FGF1: variants seen among roughly 807,000 people sequenced by gnomAD.
FGF1 encodes fibroblast growth factor 1.
Under a neutral mutation model 13.4 loss-of-function variants are expected in FGF1, and 9 were observed. That is an observed-to-expected ratio of 0.67 (90% confidence interval 0.40 to 1.17). FGF1 has a LOEUF of 1.17. Ranked by LOEUF, FGF1 falls within the 50% of genes most tolerant of loss-of-function variation. The pLI is 0.01. For missense variants in FGF1, 156 were observed against 192.7 expected (o/e 0.81, Z 1.13); for synonymous variants, 93 against 79.0 (o/e 1.18, Z -0.94).
At chr5:142,666,613 C>T (rs552946008) in intron 1 of FGF1, among the ~76,000 whole-genome samples, 15 of 152,134 alleles carry the variant, frequency 9.9e-5, no homozygotes, top group Non-Finnish European at 1.5e-4. Context: ...TACATTATAA[C>T]AAGAGAAGCC....
chr5:142,653,908 A>G (rs112645449), intron 1 of FGF1, among the ~76,000 whole-genome samples: 1,884 of 152,254 alleles, frequency 0.012, 54 homozygotes, highest in African/African-American at 0.043. Context: ...CCTGGCCAAC[A>G]TGGTGAAACC....
At position 142,662,418 on chromosome 5, in the gene FGF1, G is replaced by C. The variant is rs374068426; in HGVS notation, c.-35+23539C>G. Among the ~76,000 whole-genome samples the C allele has an allele frequency of 3.5e-4, 54 of 152,224 alleles. No individual in the cohort carries two copies. The East Asian group carries it at 6.0e-3, about 17-fold the overall frequency. ...ACATGCTTATTAGAGTTCAATATTA[G>C]GTGGACACCAATTCAATGATTTTTG... On this transcript the variant is annotated intron_variant, in intron 1 of 3. Coordinates refer to ENST00000337706, the MANE Select transcript of FGF1 (RefSeq NM_000800.5).
At chr5:142,680,391 C>T (rs1773481858) in intron 1 of FGF1, among the ~76,000 whole-genome samples, 1 of 152,156 alleles carries the variant, frequency 6.6e-6, no homozygotes, top group Admixed American at 6.5e-5. Context: ...AAAGACACCC[C>T]ACTGAAGAAT....
intron 1 of FGF1, among the ~76,000 whole-genome samples, chr5:142,627,879 C>A (rs1403274911): frequency 6.6e-6 from 1 of 152,166 alleles, no homozygotes; most frequent in Non-Finnish European, 1.5e-5. Flanking sequence ...TCCCTTTGAT[C>A]CCACATAAAC....
Position 142,691,186 on chromosome 5 carries a change from C to T in FGF1, c.-35+6436G>A, listed in dbSNP as rs183353733. On this transcript the variant is annotated intron_variant, in intron 2 of 4. Coordinates refer to the FGF1 transcript ENST00000407758. ...CTATAATCCCAGCACTTTGGGAGGC[C>T]GACGCGGGTGGATCACCTGAGGTTA... Among the ~76,000 whole-genome samples the T allele has an allele frequency of 1.8e-3, 275 of 152,084 alleles. 1 individual carries two copies. The highest frequency in any genetic ancestry group is 6.2e-3 in the African/African-American group (258 of 41,486).
intron 1 of FGF1, among the ~76,000 whole-genome samples, chr5:142,636,007 C>T (rs956868440): frequency 2.0e-5 from 3 of 152,056 alleles, no homozygotes; most frequent in Non-Finnish European, 4.4e-5. Flanking sequence ...CTTGTATTTC[C>T]TTTATTGAAT....
rs551439781 is a variant in FGF1, at chr5:142,598,782, T to C, written c.273+1920A>G. 2.0e-5 allele frequency among the ~76,000 whole-genome samples: 3 copies of C among 152,304 alleles called. No individual in the cohort carries two copies. In the South Asian group the frequency reaches 6.2e-4, roughly 32 times the overall value. ...TAATATACTAAGATCATATTTCAGG[T>C]GAATTGTAGTGATGGCCACGGCTAT... On this transcript the variant is annotated intron_variant, in intron 3 of 3. Coordinates refer to ENST00000337706, the MANE Select transcript of FGF1 (RefSeq NM_000800.5).
rs372987489 is a variant in FGF1, at chr5:142,646,577, G to T, written c.-34-32416C>A. ...CATGTTGGTCAGGCTAGTCTCAAAC[G>T]CCTGACCTCATGCTCTGCCCGCCTT... On this transcript the variant is annotated intron_variant, in intron 1 of 3. Transcript: ENST00000337706. Among the ~76,000 whole-genome samples, 84 of 151,400 alleles carry T rather than the reference G, an allele frequency of 5.5e-4. 1 individual carries two copies. In the East Asian group the frequency reaches 0.011, roughly 20 times the overall value.
intron 1 of FGF1, among the ~76,000 whole-genome samples, chr5:142,638,014 G>A (rs1355863411): frequency 6.6e-6 from 1 of 151,988 alleles, no homozygotes; most frequent in Non-Finnish European, 1.5e-5. Context: ...TGGTCATTAA[G>A]AATCTACTAT....
chr5:142,689,621 C>G (rs536815019), upstream of FGF1, among the ~76,000 whole-genome samples: 38 of 151,846 alleles, frequency 2.5e-4, no homozygotes, highest in East Asian at 6.8e-3. Flanking sequence ...GGGTCCTACC[C>G]ATGAGAGCTG....
chr5:142,621,986 A>G (rs17217114), intron 1 of FGF1, among the ~76,000 whole-genome samples: 2,667 of 152,338 alleles, frequency 0.018, 93 homozygotes, highest in African/African-American at 0.061. Flanking sequence ...TCATAGGACC[A>G]TTTAACATTT....
intron 1 of FGF1, among the ~76,000 whole-genome samples, chr5:142,654,376 A>G (rs1271987818): frequency 6.6e-6 from 1 of 152,206 alleles, no homozygotes; most frequent in Non-Finnish European, 1.5e-5. Context: ...GAACTCAATG[A>G]TTTTAGAGAG....
chr5:142,595,222 T>A lies in FGF1; in HGVS notation c.*68A>T. On this transcript the variant is annotated 3_prime_UTR_variant, in exon 4 of 4. Transcript: ENST00000337706. ...GCGCAGCCAATGGTCAAGGGAACAT[T>A]TTTGGGTCAACCAGGTGAGGACCCC... is the stretch of plus-strand genomic sequence containing the variant. 7.2e-7 allele frequency: 1 copy of A among 1,383,112 alleles called. No homozygotes were observed. Among genetic ancestry groups the A allele is most frequent in the Middle Eastern group, 2.4e-4 (1 of 4,234 alleles). 85.7% of individuals were successfully genotyped at this position (1,383,112 alleles called of 1,614,324 possible). A position where few individuals can be genotyped will look rare whatever the true frequency, so the allele number is the denominator to read the frequency against.
At position 142,624,273 on chromosome 5, in the gene FGF1, C is replaced by T. The variant is rs1368248715; in HGVS notation, c.-34-10112G>A. Among the ~76,000 whole-genome samples the T allele has an allele frequency of 2.0e-5, 3 of 152,074 alleles. No homozygotes were observed. The South Asian group carries it at 6.2e-4, about 32-fold the overall frequency. On this transcript the variant is annotated intron_variant, in intron 1 of 3. Transcript: ENST00000337706. ...GTAGAGATGGGGTCTCACTGTGTTA[C>T]CCAGGCTGGTCTTAAACTTCTAGGC...
chr5:142,661,511 T>A (rs1225061783), intron 1 of FGF1, among the ~76,000 whole-genome samples: 1 of 152,054 alleles, frequency 6.6e-6, no homozygotes, highest in South Asian at 2.1e-4. Flanking sequence ...TGAAAACATA[T>A]TCATGCAAAA....
rs901935697 is a variant in FGF1 at position 142,595,038 on chromosome 5, G to C, written c.*252C>G. On this transcript the variant is annotated 3_prime_UTR_variant, in exon 4 of 4. Transcript: ENST00000337706. ...ACTCAGCCTGCAAGAGGCAATTGGA[G>C]ATCCAAACCCAGACCCAGACTGGCC... is the stretch of plus-strand genomic sequence containing the variant. 1 of 409,448 alleles carries C rather than the reference G, an allele frequency of 2.4e-6. No homozygotes were observed. Among genetic ancestry groups the C allele is most frequent in the African/African-American group, 2.0e-5 (1 of 49,254 alleles). The allele number at this position is 409,448 out of a possible 1,614,324, so 25.4% of individuals were successfully genotyped here.
At chr5:142,695,581 C>CAAAAAAAAAAA (rs1202362613) in intron 2 of FGF1, among the ~76,000 whole-genome samples, 2 of 117,300 alleles carry the variant, frequency 1.7e-5, no homozygotes, top group African/African-American at 7.3e-5. Context: ...GACTCTGTAT[C>CAAAAAAAAAAA]AAAAAGAAAA....
At chr5:142,618,843 C>T (rs1760779119) in intron 1 of FGF1, among the ~76,000 whole-genome samples, 6 of 151,672 alleles carry the variant, frequency 4.0e-5, no homozygotes, top group Admixed American at 3.9e-4. Context: ...CCCAGCTTGG[C>T]CCTGGAAACT....
chr5:142,695,974 C>A (rs1753049831), intron 2 of FGF1, among the ~76,000 whole-genome samples: 1 of 152,022 alleles, frequency 6.6e-6, no homozygotes, highest in African/African-American at 2.4e-5. Flanking sequence ...GAGTTCACAG[C>A]AGAAGAGGAG....
Sources: allele counts gnomAD v4.1 joint callset (sites outside exome capture counted in the v4.1 genomes callset), GRCh38; gene constraint gnomAD v4.1.1; transcripts MANE v1.5; gene names NCBI Gene and HGNC (gene_info 2026-07-23, HGNC 2026-07-21).